ZNF837: variants seen among roughly 807,000 people sequenced by gnomAD.
ZNF837 encodes zinc finger protein 837.
For missense variants in ZNF837, 955 were observed against 801.7 expected (o/e 1.19, Z -2.31); for synonymous variants, 475 against 365.2 (o/e 1.30, Z -3.43).
rs775942843 is a variant in ZNF837 at position 58,369,117 on chromosome 19, C to T, written c.216G>A (p.Val72=). Residue 72 remains valine, a synonymous_variant, in exon 3 of 3, where the codon GTG becomes GTA. Transcript: ENST00000597582. ...TGTGCCGGGTCCCCGGGCCGGGGCT[C>T]ACCCCGAGGCTGCAGCCCCGGGAGC... The part of the protein sequence containing the change: ...GGGSRGCSLG[V]SPGPGTRHSA... The T allele has an allele frequency of 1.3e-6, 2 of 1,483,808 alleles. No individual in the cohort carries two copies. The highest frequency in any genetic ancestry group is 2.7e-5 in the South Asian group (2 of 74,974). The allele number at this position is 1,483,808 out of a possible 1,614,324, so 91.9% of individuals were successfully genotyped here.
rs1480167732 is a variant in ZNF837, at chr19:58,367,816, C to T, written c.1517G>A (p.Gly506Glu). ...THTGERPYAC[G>E]DCGRAFSQRS... is the part of the protein sequence containing the mutation. ...TTGGCTGAAGGCGCGGCCGCAATCT[C>T]CGCACGCGTAGGGCCGCTCGCCCGT... Residue 506 changes from glycine (G) to glutamate (E), a missense_variant, in exon 3 of 3, where the codon GGA becomes GAA. Gly to Glu is a moderately conservative substitution (Grantham distance 98). Coordinates refer to ENST00000597582, the MANE Select transcript of ZNF837 (RefSeq NM_138466.2). 20 of 1,536,458 alleles carry T rather than the reference C, an allele frequency of 1.3e-5. No individual in the cohort carries two copies. In the East Asian group the frequency reaches 3.2e-4, roughly 24 times the overall value.
At chr19:58,371,143 C>A (rs1186209135) in intron 1 of ZNF837, among the ~76,000 whole-genome samples, 2 of 148,230 alleles carry the variant, frequency 1.3e-5, no homozygotes, top group African/African-American at 2.5e-5. Context: ...CGGGAGGCTG[C>A]GGCAGGAGAC....
intron 1 of ZNF837, among the ~76,000 whole-genome samples, chr19:58,379,949 C>T (rs1363694664): frequency 6.6e-6 from 1 of 152,074 alleles, no homozygotes; most frequent in Admixed American, 6.5e-5. Flanking sequence ...GAGCCGAGAT[C>T]GCGCCACTGC....
At chr19:58,374,295 T>G (rs188856501) in intron 1 of ZNF837, among the ~76,000 whole-genome samples, 1 of 152,170 alleles carries the variant, frequency 6.6e-6, no homozygotes. Context: ...GCCAAGTATA[T>G]AAAATGACAA....
At position 58,367,837 on chromosome 19, in the gene ZNF837, C is replaced by A; in HGVS notation, c.1496G>T (p.Gly499Val). The A allele has an allele frequency of 6.5e-7, 1 of 1,536,246 alleles. No homozygotes were observed. The change falls in exon 3 of 3, where the codon GGC becomes GTC. Residue 499 changes from glycine to valine, a missense_variant. Gly to Val is a moderately radical substitution (Grantham distance 109). Coordinates refer to ENST00000597582, the MANE Select transcript of ZNF837 (RefSeq NM_138466.2). ...ATCTCCGCACGCGTAGGGCCGCTCG[C>A]CCGTGTGCGTGCGCAGGTGGCGCAC... ...SLVRHLRTHT[G>V]ERPYACGDCG...
chr19:58,372,304 C>G (rs1470630255), intron 1 of ZNF837, among the ~76,000 whole-genome samples: 1 of 152,138 alleles, frequency 6.6e-6, no homozygotes, highest in East Asian at 1.9e-4. Flanking sequence ...GGTGATCCAC[C>G]CGTCTCGGCC....
At chr19:58,374,791 G>A (rs779793338) in intron 1 of ZNF837, among the ~76,000 whole-genome samples, 1 of 151,600 alleles carries the variant, frequency 6.6e-6, no homozygotes. Flanking sequence ...AAAATTAGCC[G>A]GGTGTGGTGG....
intron 1 of ZNF837, 150 bp downstream of exon 1, chr19:58,380,791 G>C (rs2052283665): frequency 6.6e-6 from 1 of 152,340 alleles, no homozygotes; most frequent in Non-Finnish European, 1.5e-5. Context: ...CGGACCCGGA[G>C]CGCGAGGACC....
chr19:58,372,943 A>C (rs527662623), intron 1 of ZNF837, among the ~76,000 whole-genome samples: 19 of 152,320 alleles, frequency 1.2e-4, no homozygotes, highest in African/African-American at 3.8e-4. Context: ...GCCCAGTGCC[A>C]AGGGTTCAGC....
At chr19:58,379,316 AG>A (rs975835711) in intron 1 of ZNF837, among the ~76,000 whole-genome samples, 20 of 152,276 alleles carry the variant, frequency 1.3e-4, no homozygotes, top group East Asian at 7.7e-4. Context: ...CCCTGCTCCC[AG>A]GGGTGGCTCC....
intron 1 of ZNF837, among the ~76,000 whole-genome samples, chr19:58,370,467 C>T (rs1263727886): frequency 1.3e-5 from 2 of 151,736 alleles, no homozygotes; most frequent in Non-Finnish European, 2.9e-5. Flanking sequence ...GTAACATAGT[C>T]AGAGGTTCTA....
At position 58,368,540 on chromosome 19, in the gene ZNF837, G is replaced by T. The variant is rs762663353; in HGVS notation, c.793C>A (p.Pro265Thr). The T allele has an allele frequency of 4.5e-6, 7 of 1,540,414 alleles. No individual in the cohort carries two copies. The highest frequency in any genetic ancestry group is 5.2e-6 in the Non-Finnish European group (6 of 1,144,374). Reference protein sequence around the residue: ...TSRPRPIVPDPPAQRLYACDE... With the variant: ...TSRPRPIVPDTPAQRLYACDE... Reference sequence around the variant, plus strand: ...CAAGCGTACAGTCGCTGGGCCGGGGGGTCGGGGACAATAGGGCGAGGTCGC... The same window carrying T: ...CAAGCGTACAGTCGCTGGGCCGGGGTGTCGGGGACAATAGGGCGAGGTCGC... The change falls in exon 3 of 3, where the codon CCC (proline) becomes ACC (threonine). Residue 265 changes from proline (P) to threonine (T), a missense_variant. Pro to Thr is a conservative substitution (Grantham distance 38). Coordinates refer to ENST00000597582, the MANE Select transcript of ZNF837 (RefSeq NM_138466.2).
chr19:58,367,779 G>A lies in ZNF837; in HGVS notation c.1554C>T (p.Leu518=). 1 of 1,535,712 alleles carries A rather than the reference G, an allele frequency of 6.5e-7. No homozygotes were observed. Among genetic ancestry groups the A allele is most frequent in the Non-Finnish European group, 8.7e-7 (1 of 1,145,880 alleles). The part of the protein sequence containing the change: ...CGRAFSQRSN[L]NEHRKRHGGR... ...CCCCGTGCCGCTTCCGGTGCTCGTT[G>A]AGGTTGGAGCGTTGGCTGAAGGCGC... Residue 518 remains leucine (L), a synonymous_variant, in exon 3 of 3, where the codon CTC becomes CTT. Transcript: ENST00000597582.
In ZNF837 at chr19:58,368,392, A is replaced by T; in HGVS notation, c.941T>A (p.Leu314Gln). Residue 314 changes from leucine (L) to glutamine (Q), a missense_variant, in exon 3 of 3, where the codon CTG becomes CAG. Physicochemically the swap from Leu to Gln is moderately radical, Grantham distance 113 (BLOSUM62 -2). Transcript: ENST00000597582. ...CGKAFVRCSGLYRHQKTHSAE... is the reference protein window; with the variant it reads ...CGKAFVRCSGQYRHQKTHSAE... The stretch of plus-strand genomic sequence containing the variant: ...CGAGTGCGTCTTCTGGTGGCGGTAC[A>T]GGCCGGAGCAGCGCACGAAGGCCTT... 1 of 1,538,712 alleles carries T rather than the reference A, an allele frequency of 6.5e-7. No individual in the cohort carries two copies.
chr19:58,368,647 C>G lies in ZNF837; in HGVS notation c.686G>C (p.Arg229Pro). ...GTTGGGGCGGAAGCGCTTCCCGCAC[C>G]GGGCACACGGACGGGGCTCCTCCGT... ...QATEEPRPCA[R>P]CGKRFRPNQQ... The change falls in exon 3 of 3, where the codon CGG becomes CCG. Residue 229 changes from arginine (R) to proline (P), a missense_variant. Physicochemically the swap from Arg to Pro is moderately radical, Grantham distance 103. Coordinates refer to ENST00000597582, the MANE Select transcript of ZNF837 (RefSeq NM_138466.2). The G allele has an allele frequency of 6.5e-7, 1 of 1,529,286 alleles. No individual in the cohort carries two copies. Among genetic ancestry groups the G allele is most frequent in the Non-Finnish European group, 8.8e-7 (1 of 1,142,492 alleles). 94.7% of individuals were successfully genotyped at this position (1,529,286 alleles called of 1,614,324 possible). A position where few individuals can be genotyped will look rare whatever the true frequency, so the allele number is the denominator to read the frequency against.
At chr19:58,373,245 G>C (rs1301614392) in intron 1 of ZNF837, among the ~76,000 whole-genome samples, 2 of 152,172 alleles carry the variant, frequency 1.3e-5, no homozygotes, top group Non-Finnish European at 1.5e-5. Flanking sequence ...CACTAATCAG[G>C]TCTAATTTAG....
At position 58,367,909 on chromosome 19, in the gene ZNF837, T is replaced by G. The variant is rs1177629564; in HGVS notation, c.1424A>C (p.Tyr475Ser). ...GGCCTTGCCGCAGTCGCGGCAGATG[T>G]AGGGCTTCTCGCCCGAGTGCAGGCG... is the stretch of plus-strand genomic sequence containing the variant. ...HERLHSGEKP[Y>S]ICRDCGKAFV... Residue 475 changes from tyrosine (Y) to serine (S), a missense_variant, in exon 3 of 3, where the codon TAC (tyrosine) becomes TCC (serine). Physicochemically the swap from Tyr to Ser is moderately radical, Grantham distance 144 (BLOSUM62 -2). Transcript: ENST00000597582. The G allele has an allele frequency of 3.3e-6, 5 of 1,535,106 alleles. No individual in the cohort carries two copies. The highest frequency in any genetic ancestry group is 4.4e-6 in the Non-Finnish European group (5 of 1,144,438).
chr19:58,369,119 C>G lies in ZNF837; in HGVS notation c.214G>C (p.Val72Leu). The change falls in exon 3 of 3, where the codon GTG becomes CTG. Residue 72 changes from valine to leucine, a missense_variant. Coordinates refer to ENST00000597582, the MANE Select transcript of ZNF837 (RefSeq NM_138466.2). ...TGCCGGGTCCCCGGGCCGGGGCTCACCCCGAGGCTGCAGCCCCGGGAGCCC... is the reference window on the plus strand; with the variant it reads ...TGCCGGGTCCCCGGGCCGGGGCTCAGCCCGAGGCTGCAGCCCCGGGAGCCC... Reference protein sequence around the residue: ...GGGSRGCSLGVSPGPGTRHSA... With the variant: ...GGGSRGCSLGLSPGPGTRHSA... 1 of 1,484,114 alleles carries G rather than the reference C, an allele frequency of 6.7e-7. No individual in the cohort carries two copies. The highest frequency in any genetic ancestry group is 8.9e-7 in the Non-Finnish European group (1 of 1,119,154). 91.9% of individuals were successfully genotyped at this position (1,484,114 alleles called of 1,614,324 possible).
At position 58,367,825 on chromosome 19, in the gene ZNF837, T is replaced by C. The variant is rs2052149007; in HGVS notation, c.1508A>G (p.Tyr503Cys). 2.0e-6 allele frequency: 3 copies of C among 1,536,246 alleles called. No individual in the cohort carries two copies. The highest frequency in any genetic ancestry group is 2.7e-5 in the African/African-American group (2 of 72,890). ...GGCGCGGCCGCAATCTCCGCACGCG[T>C]AGGGCCGCTCGCCCGTGTGCGTGCG... Reference protein sequence around the residue: ...HLRTHTGERPYACGDCGRAFS... With the variant: ...HLRTHTGERPCACGDCGRAFS... The change falls in exon 3 of 3, where the codon TAC (tyrosine) becomes TGC (cysteine). Residue 503 changes from tyrosine to cysteine, a missense_variant. By Grantham distance (194) the Tyr-to-Cys change is radical (BLOSUM62 -2). Transcript: ENST00000597582.
Sources: gnomAD v4.1 joint callset for allele counts (sites outside exome capture counted in the v4.1 genomes callset) on GRCh38, gnomAD v4.1.1 for gene constraint, MANE v1.5 for transcripts, NCBI Gene and HGNC (gene_info 2026-07-23, HGNC 2026-07-21) for gene names.